TMEM120B: variants seen among roughly 807,000 people sequenced by gnomAD.
The protein encoded by TMEM120B is transmembrane protein 120B.
In TMEM120B, 31 loss-of-function variants were observed where a neutral mutation model predicts 55.5. The observed-to-expected ratio is 0.56, with a 90% CI of 0.42 to 0.75. The LOEUF is 0.75. Among genes scored for constraint, TMEM120B ranks in the 30% least tolerant of loss-of-function variants. The probability of loss-of-function intolerance (pLI) is 0.00; values close to 1 mark genes in which losing one functional copy is unlikely to be tolerated. For missense variants in TMEM120B, 399 were observed against 425.5 expected (o/e 0.94, Z 0.55); for synonymous variants, 203 against 176.3 (o/e 1.15, Z -1.20).
At chr12:121,740,746 A>T (rs1872910616) in intron 1 of TMEM120B, among the ~76,000 whole-genome samples, 1 of 152,126 alleles carries the variant, frequency 6.6e-6, no homozygotes, top group African/African-American at 2.4e-5. Flanking sequence ...GTTGCATTTG[A>T]TAATTGTACT....
At chr12:121,768,251 C>T (rs925342895) in intron 6 of TMEM120B, among the ~76,000 whole-genome samples, 30 of 152,238 alleles carry the variant, frequency 2.0e-4, no homozygotes, top group Admixed American at 4.6e-4. Context: ...TCCAGATTAG[C>T]TGCTGCTTTC....
At chr12:121,772,435 TTTC>T (rs574144366) in intron 8 of TMEM120B, among the ~76,000 whole-genome samples, 12 of 141,002 alleles carry the variant, frequency 8.5e-5, no homozygotes, top group African/African-American at 3.2e-4. Flanking sequence ...GTACCGTTTC[TTTC>T]TTTTTTTTTT....
chr12:121,754,021 C>G (rs1873409406), intron 5 of TMEM120B, among the ~76,000 whole-genome samples: 1 of 152,048 alleles, frequency 6.6e-6, no homozygotes, highest in African/African-American at 2.4e-5. Flanking sequence ...GCCCTGGGTT[C>G]TCTGTCCCCA....
chr12:121,757,012 G>A (rs1873493419), intron 5 of TMEM120B, among the ~76,000 whole-genome samples: 1 of 152,224 alleles, frequency 6.6e-6, no homozygotes, highest in South Asian at 2.1e-4. Context: ...TACGGTGTCC[G>A]TCATGACTTC....
intron 5 of TMEM120B, among the ~76,000 whole-genome samples, chr12:121,760,745 A>C (rs770051272): frequency 6.6e-6 from 1 of 152,124 alleles, no homozygotes; most frequent in Non-Finnish European, 1.5e-5. Context: ...TAAGAGAGAC[A>C]GTTAACAACC....
intron 1 of TMEM120B, among the ~76,000 whole-genome samples, chr12:121,726,128 G>A (rs138242692): frequency 5.3e-5 from 8 of 152,006 alleles, no homozygotes; most frequent in Non-Finnish European, 8.8e-5. Flanking sequence ...GAGAGTGACT[G>A]CGAAGAGACA....
intron 1 of TMEM120B, among the ~76,000 whole-genome samples, chr12:121,718,701 C>T (rs973681774): frequency 3.3e-5 from 5 of 152,142 alleles, no homozygotes; most frequent in African/African-American, 1.2e-4. Context: ...AAGTTTTGAA[C>T]TTGCTGGGTC....
At chr12:121,769,596 C>CAGG (rs1445914031) in intron 6 of TMEM120B, among the ~76,000 whole-genome samples, 2 of 152,036 alleles carry the variant, frequency 1.3e-5, no homozygotes, top group Non-Finnish European at 2.9e-5. Context: ...CCCAGCTACT[C>CAGG]AGGAGGCTGA....
chr12:121,715,600 G>A (rs1193425604), intron 1 of TMEM120B, among the ~76,000 whole-genome samples: 1 of 152,096 alleles, frequency 6.6e-6, no homozygotes, highest in Non-Finnish European at 1.5e-5. Flanking sequence ...GGTTCATGAT[G>A]GGGGAACTAG....
chr12:121,731,529 C>A (rs1895002900), intron 1 of TMEM120B, among the ~76,000 whole-genome samples: 1 of 152,176 alleles, frequency 6.6e-6, no homozygotes, highest in Admixed American at 6.6e-5. Context: ...CATTTAGATA[C>A]ATGAATACTT....
In TMEM120B at chr12:121,743,659, G is replaced by C; in HGVS notation, c.100G>C (p.Glu34Gln). Residue 34 changes from glutamate to glutamine, a missense_variant, in exon 2 of 12, where the codon GAG becomes CAG. Glu to Gln is a conservative substitution (Grantham distance 29). Coordinates refer to ENST00000449592, the MANE Select transcript of TMEM120B (RefSeq NM_001080825.2). Reference protein sequence around the residue: ...ETHRIYKQKLEELAALQTLCS... With the variant: ...ETHRIYKQKLQELAALQTLCS... ...GCACAGGATCTACAAGCAGAAGCTG[G>C]AGGAGCTGGCTGCGCTGCAGACGCT... The C allele has an allele frequency of 1.2e-6, 2 of 1,613,682 alleles. No individual in the cohort carries two copies. Among genetic ancestry groups the C allele is most frequent in the Non-Finnish European group, 1.7e-6 (2 of 1,179,970 alleles).
chr12:121,771,806 T>C (rs753693753), intron 8 of TMEM120B, among the ~76,000 whole-genome samples: 3 of 152,242 alleles, frequency 2.0e-5, no homozygotes, highest in Non-Finnish European at 2.9e-5. Flanking sequence ...CTGAGTAGCA[T>C]TGGGGATACC....
At chr12:121,773,668 T>G (rs1340642080) in intron 9 of TMEM120B, among the ~76,000 whole-genome samples, 155 bp downstream of exon 9, 1 of 152,158 alleles carries the variant, frequency 6.6e-6, no homozygotes, top group East Asian at 1.9e-4. Flanking sequence ...GGATTCTGTT[T>G]CAGCTGCCAA....
At chr12:121,716,761 C>A (rs886464604) in intron 1 of TMEM120B, among the ~76,000 whole-genome samples, 3 of 152,010 alleles carry the variant, frequency 2.0e-5, no homozygotes, top group African/African-American at 4.8e-5. Context: ...CAGGGTTTCA[C>A]CATCTTGGCC....
chr12:121,714,896 G>C (rs377752720), intron 1 of TMEM120B, among the ~76,000 whole-genome samples: 2 of 152,032 alleles, frequency 1.3e-5, no homozygotes, highest in African/African-American at 4.8e-5. Context: ...TACTGGGCTC[G>C]GAGGTCATGG....
intron 6 of TMEM120B, among the ~76,000 whole-genome samples, chr12:121,765,434 G>GT (rs544339237): frequency 4.6e-5 from 7 of 151,850 alleles, no homozygotes; most frequent in South Asian, 2.1e-4. Context: ...CCAGCCCCGA[G>GT]TTTTTTTTAC....
chr12:121,738,952 C>T (rs947391872), intron 1 of TMEM120B, among the ~76,000 whole-genome samples: 5 of 151,580 alleles, frequency 3.3e-5, no homozygotes, highest in African/African-American at 7.3e-5. Flanking sequence ...TTTGGGAGGC[C>T]GAGGTGGGAG....
chr12:121,738,844 G>C (rs1200673661), intron 1 of TMEM120B, among the ~76,000 whole-genome samples: 3 of 152,256 alleles, frequency 2.0e-5, no homozygotes, highest in East Asian at 1.9e-4. Context: ...AACATCCGCA[G>C]ACCCCCACTG....
At chr12:121,723,090 C>T (rs942210900) in intron 1 of TMEM120B, among the ~76,000 whole-genome samples, 4 of 151,932 alleles carry the variant, frequency 2.6e-5, no homozygotes, top group Admixed American at 1.3e-4. Context: ...TCAGGTGATC[C>T]GCCTGCCTCG....
Sources: allele counts gnomAD v4.1 joint callset (sites outside exome capture counted in the v4.1 genomes callset), GRCh38; gene constraint gnomAD v4.1.1; transcripts MANE v1.5; gene names NCBI Gene and HGNC (gene_info 2026-07-23, HGNC 2026-07-21).